Variants in SINHCAF observed in about 807,000 individuals in gnomAD.
SINHCAF encodes the protein SIN3-HDAC complex-associated factor.
Under a neutral mutation model 25.8 loss-of-function variants are expected in SINHCAF, and 3 were observed. The observed-to-expected ratio is 0.12, with a 90% CI of 0.05 to 0.30. The LOEUF (loss-of-function observed/expected upper bound fraction) is 0.30. SINHCAF is among the 10% of genes least tolerant of loss of function. The probability of loss-of-function intolerance (pLI) is 1.00; values close to 1 mark genes in which losing one functional copy is unlikely to be tolerated. For synonymous variants in SINHCAF, 70 were observed against 85.5 expected (o/e 0.82, Z 1.00); for missense variants, 121 against 262.3 (o/e 0.46, Z 3.72).
intron 2 of SINHCAF, chr12:31,296,979 G>A (rs750157506): frequency 2.3e-6 from 1 of 438,526 alleles, no homozygotes; most frequent in Middle Eastern, 4.0e-4. Flanking sequence ...AGGCTGTGGT[G>A]CACAATGATC....
intron 1 of SINHCAF, among the ~76,000 whole-genome samples, chr12:31,307,908 G>C (rs1490228617): frequency 6.6e-6 from 1 of 152,040 alleles, no homozygotes; most frequent in Non-Finnish European, 1.5e-5. Flanking sequence ...AAGAGAGAAA[G>C]TTCATAGTTT....
chr12:31,292,270 G>A (rs1292748457), intron 4 of SINHCAF, among the ~76,000 whole-genome samples: 1 of 152,162 alleles, frequency 6.6e-6, no homozygotes, highest in East Asian at 1.9e-4. Context: ...GGGAAGCCGA[G>A]GTGGGTGGAT....
intron 1 of SINHCAF, among the ~76,000 whole-genome samples, chr12:31,316,483 G>A (rs1939500544): frequency 6.6e-6 from 1 of 152,066 alleles, no homozygotes; most frequent in Admixed American, 6.6e-5. Context: ...AGTCAAGAAA[G>A]GGATGAGATA....
chr12:31,296,941 G>C (rs142912718), intron 2 of SINHCAF: 1 of 415,856 alleles, frequency 2.4e-6, no homozygotes, highest in East Asian at 7.8e-5. Context: ...AGGCTCAGAC[G>C]GGAGGATCAC....
At chr12:31,291,950 C>T (rs1938348590) in intron 4 of SINHCAF, among the ~76,000 whole-genome samples, 1 of 147,872 alleles carries the variant, frequency 6.8e-6, no homozygotes. Context: ...ACCTGGTGAA[C>T]ACCCTGTTTC....
chr12:31,312,320 T>C (rs1939304291), intron 1 of SINHCAF, among the ~76,000 whole-genome samples: 1 of 152,230 alleles, frequency 6.6e-6, no homozygotes, highest in African/African-American at 2.4e-5. Context: ...TTTTGGCTAC[T>C]ACAAGTAATG....
intron 1 of SINHCAF, among the ~76,000 whole-genome samples, chr12:31,301,955 A>T (rs1365945877): frequency 2.0e-5 from 3 of 152,156 alleles, no homozygotes; most frequent in Non-Finnish European, 4.4e-5. Context: ...GCAATATTAA[A>T]TGATTCCTCC....
intron 1 of SINHCAF, among the ~76,000 whole-genome samples, chr12:31,309,409 C>G (rs537033111): frequency 6.6e-6 from 1 of 152,154 alleles, no homozygotes; most frequent in Non-Finnish European, 1.5e-5. Flanking sequence ...TATTATTTTA[C>G]GTTAAGCAAG....
intron 1 of SINHCAF, chr12:31,303,177 A>G (rs1938876923): frequency 1.0e-6 from 1 of 985,456 alleles, no homozygotes; most frequent in East Asian, 1.1e-4. Context: ...CACATTCTTC[A>G]GCCAGAACAA....
intron 3 of SINHCAF, among the ~76,000 whole-genome samples, chr12:31,294,791 C>T (rs1374640004): frequency 5.3e-5 from 8 of 152,214 alleles, no homozygotes; most frequent in African/African-American, 1.7e-4. Flanking sequence ...ATTATCTTTG[C>T]ACTTCATGAA....
chr12:31,318,428 C>A (rs985229733), intron 1 of SINHCAF, among the ~76,000 whole-genome samples: 25 of 152,238 alleles, frequency 1.6e-4, no homozygotes, highest in African/African-American at 5.8e-4. Flanking sequence ...AACATGTGCC[C>A]TGTCTCTGAG....
rs907882331 is a variant in SINHCAF at position 31,311,871 on chromosome 12, T to C, written c.-20-13647A>G. ...CGTTGATGATGCTAAGTTTGATCAC[T>C]TGATGAAGGTGGCATCCACCAGCTA... On this transcript the variant is annotated intron_variant, in intron 1 of 5. Transcript: ENST00000337682. 9 of 495,056 alleles carry C rather than the reference T, an allele frequency of 1.8e-5. No individual in the cohort carries two copies. The Admixed American group carries it at 2.2e-4, about 12-fold the overall frequency. 30.7% of individuals were successfully genotyped at this position (495,056 alleles called of 1,614,324 possible).
At chr12:31,296,484 G>A (rs1450319592) in intron 2 of SINHCAF, among the ~76,000 whole-genome samples, 1 of 151,904 alleles carries the variant, frequency 6.6e-6, no homozygotes, top group East Asian at 1.9e-4. Flanking sequence ...TATTTCATAA[G>A]TATCAAAATG....
At chr12:31,296,756 G>A (rs941032324) in intron 2 of SINHCAF, among the ~76,000 whole-genome samples, 24 of 152,084 alleles carry the variant, frequency 1.6e-4, no homozygotes, top group African/African-American at 5.6e-4. Context: ...TCAGGAGAGA[G>A]AGGTGGGAGG....
intron 5 of SINHCAF, among the ~76,000 whole-genome samples, chr12:31,285,015 A>C (rs1404820883): frequency 6.6e-6 from 1 of 152,186 alleles, no homozygotes; most frequent in African/African-American, 2.4e-5. Context: ...TGAATCTACA[A>C]AGTGATCATC....
chr12:31,325,168 G>A lies in SINHCAF; in HGVS notation c.-21+856C>T, dbSNP rs949535345. The A allele has an allele frequency of 2.2e-5, 10 of 456,766 alleles. No individual in the cohort carries two copies. In the Admixed American group the frequency reaches 2.3e-4, roughly 11 times the overall value. 28.3% of individuals were successfully genotyped at this position (456,766 alleles called of 1,614,324 possible). ...TGGCCATCTTACAGCGCGGACGGCC[G>A]CCCATAAACGGGAAGCCCTCGCGGT... On this transcript the variant is annotated intron_variant, in intron 1 of 5. Transcript: ENST00000337682. This position sits in a 1 kb window ranked among gnomAD's most constrained non-coding sequence, Gnocchi z 5.9.
intron 1 of SINHCAF, among the ~76,000 whole-genome samples, chr12:31,313,127 C>T (rs1217417027): frequency 2.6e-5 from 4 of 152,060 alleles, no homozygotes; most frequent in Non-Finnish European, 5.9e-5. Context: ...TGGGTTCAGG[C>T]GATTCTCCTG....
In SINHCAF at chr12:31,324,897, A is replaced by ACTCTGC. The variant is rs1477177786; in HGVS notation, c.-21+1121_-21+1126dup. On this transcript the variant is annotated intron_variant, in intron 1 of 5. Coordinates refer to ENST00000337682, the MANE Select transcript of SINHCAF (RefSeq NM_001135812.2). This position sits in a 1 kb window ranked among gnomAD's most constrained non-coding sequence, Gnocchi z 5.5. ...CACGGGCGGAGAGTTGGCGACTTTC[A>ACTCTGC]CTCTGCTTTTTAAACTGGCAAGACG... 1 of 449,158 alleles carries ACTCTGC rather than the reference A, an allele frequency of 2.2e-6. No individual in the cohort carries two copies. Among genetic ancestry groups the ACTCTGC allele is most frequent in the African/African-American group, 2.0e-5 (1 of 49,912 alleles). 27.8% of individuals were successfully genotyped at this position (449,158 alleles called of 1,614,324 possible). A position where few individuals can be genotyped will look rare whatever the true frequency, so the allele number is the denominator to read the frequency against.
intron 1 of SINHCAF, among the ~76,000 whole-genome samples, chr12:31,313,698 G>A (rs570727577): frequency 1.3e-5 from 2 of 152,140 alleles, no homozygotes; most frequent in African/African-American, 2.4e-5. Context: ...GCCCAGGCTG[G>A]AGTGCAATGG....
Sources: allele counts gnomAD v4.1 joint callset (sites outside exome capture counted in the v4.1 genomes callset), GRCh38; gene constraint gnomAD v4.1.1; non-coding constraint Gnocchi (gnomAD v3.1); transcripts MANE v1.5; gene names NCBI Gene and HGNC (gene_info 2026-07-23, HGNC 2026-07-21).